Variants in TRPC4 observed in about 807,000 individuals in gnomAD.
TRPC4 encodes transient receptor potential cation channel subfamily C member 4.
In TRPC4, 49 loss-of-function variants were observed where a neutral mutation model predicts 99.4. That is an observed-to-expected ratio of 0.49 (90% confidence interval 0.39 to 0.63). The LOEUF (loss-of-function observed/expected upper bound fraction) is 0.63. Among genes scored for constraint, TRPC4 ranks in the 20% least tolerant of loss-of-function variants. The probability of loss-of-function intolerance (pLI) is 0.00; values close to 1 mark genes in which losing one functional copy is unlikely to be tolerated. For missense variants in TRPC4, 898 were observed against 1,152.9 expected, an observed-to-expected ratio of 0.78 and a Z score of 3.20; for synonymous variants, 454 against 425.9, an observed-to-expected ratio of 1.07 and a Z score of -0.81.
intron 1 of TRPC4, among the ~76,000 whole-genome samples, chr13:37,823,862 C>A (rs1958108405): frequency 6.7e-6 from 1 of 150,364 alleles, no homozygotes; most frequent in Non-Finnish European, 1.5e-5. Context: ...TTACCTTGGG[C>A]AGTATGGCCA....
In TRPC4 at chr13:37,860,459, T is replaced by C. The variant is rs142104516; in HGVS notation, c.-28+9136A>G. On this transcript the variant is annotated intron_variant, in intron 1 of 10. Coordinates refer to ENST00000379705, the MANE Select transcript of TRPC4 (RefSeq NM_016179.4). ...TTCTGTACACAAAGGAACAATGTAATAACCTGAAATCTCCTTTCTTAAAAC... is the reference window on the plus strand; with the variant it reads ...TTCTGTACACAAAGGAACAATGTAACAACCTGAAATCTCCTTTCTTAAAAC... Among the ~76,000 whole-genome samples, 168 of 151,540 alleles carry C rather than the reference T, an allele frequency of 1.1e-3. 1 individual carries two copies. Among genetic ancestry groups the C allele is most frequent in the African/African-American group, 3.8e-3 (156 of 41,500 alleles).
intron 2 of TRPC4, among the ~76,000 whole-genome samples, chr13:37,769,893 T>C (rs1233827619): frequency 1.3e-5 from 2 of 151,522 alleles, no homozygotes; most frequent in East Asian, 3.9e-4. Flanking sequence ...GATCTAAATA[T>C]ACTAGGCACT....
chr13:37,863,915 T>C (rs1333795114), intron 1 of TRPC4, among the ~76,000 whole-genome samples: 1 of 151,686 alleles, frequency 6.6e-6, no homozygotes, highest in African/African-American at 2.4e-5. Context: ...TTATACTAAT[T>C]CTGTGAAAAT....
At chr13:37,779,620 A>T (rs1451450116) in intron 2 of TRPC4, among the ~76,000 whole-genome samples, 1 of 152,024 alleles carries the variant, frequency 6.6e-6, no homozygotes, top group African/African-American at 2.4e-5. Flanking sequence ...CAAAAAGAAA[A>T]CCAATGTCAG....
At chr13:37,724,960 T>G (rs1177993888) in intron 3 of TRPC4, among the ~76,000 whole-genome samples, 1 of 152,116 alleles carries the variant, frequency 6.6e-6, no homozygotes. Context: ...ACAAAGACTT[T>G]AAACAAAGAC....
rs80234051 is a variant in TRPC4 at position 37,810,540 on chromosome 13, G to A, written c.-27-27180C>T. On this transcript the variant is annotated intron_variant, in intron 1 of 10. Coordinates refer to ENST00000379705, the MANE Select transcript of TRPC4 (RefSeq NM_016179.4). ...TAATCAAAATTCTCATGTGTGGCAGGATGGAAGAGTTCACTCTTGTTAAAC... is the reference window on the plus strand; with the variant it reads ...TAATCAAAATTCTCATGTGTGGCAGAATGGAAGAGTTCACTCTTGTTAAAC... Among the ~76,000 whole-genome samples, 1,247 of 152,136 alleles carry A rather than the reference G, an allele frequency of 8.2e-3. 26 individuals are homozygous for A. In the East Asian group the frequency reaches 0.1, roughly 12 times the overall value.
chr13:37,723,119 A>G (rs1401370494), intron 3 of TRPC4, among the ~76,000 whole-genome samples: 6 of 152,190 alleles, frequency 3.9e-5, no homozygotes, highest in African/African-American at 1.2e-4. Flanking sequence ...ACATGCACAC[A>G]CATGGGGAAA....
intron 4 of TRPC4, among the ~76,000 whole-genome samples, chr13:37,684,227 AC>A (rs1434779307): frequency 2.6e-5 from 4 of 152,212 alleles, no homozygotes; most frequent in African/African-American, 7.2e-5. Flanking sequence ...AAAAACACTG[AC>A]ATAAAGAGAC....
At chr13:37,853,608 C>G (rs1009307383) in intron 1 of TRPC4, among the ~76,000 whole-genome samples, 30 of 152,060 alleles carry the variant, frequency 2.0e-4, no homozygotes, top group African/African-American at 6.8e-4. Flanking sequence ...CTTGGAGAAA[C>G]AGAGACATGT....
At chr13:37,717,410 G>A (rs149353505) in intron 3 of TRPC4, among the ~76,000 whole-genome samples, 24 of 152,214 alleles carry the variant, frequency 1.6e-4, no homozygotes, top group Admixed American at 4.6e-4. Flanking sequence ...TATTAGCAAC[G>A]TGGGTCTAGA....
chr13:37,663,416 G>A lies in TRPC4; in HGVS notation c.1688C>T (p.Thr563Met), dbSNP rs757614572. The change falls in exon 6 of 11, where the codon ACG becomes ATG. Residue 563 changes from threonine to methionine, a missense_variant and splice_region_variant. Thr to Met is a moderately conservative substitution (Grantham distance 81, BLOSUM62 -1). Around this residue, in one of 3 missense-constraint regions of TRPC4, gnomAD observed 274 missense variants for 454.9 expected, o/e 0.60. Coordinates refer to ENST00000379705, the MANE Select transcript of TRPC4 (RefSeq NM_016179.4). ...CAGTAGAAATGTCTATTAGACTTAC[G>A]TTGAAAATGCATTATTCTGCTTTTC... ...RCEKQNNAFS[T>M]LFETLQSLFW... The A allele has an allele frequency of 4.3e-6, 7 of 1,609,638 alleles. No individual in the cohort carries two copies. The highest frequency in any genetic ancestry group is 1.7e-5 in the Admixed American group (1 of 59,658).
chr13:37,807,096 G>A (rs900536535), intron 1 of TRPC4, among the ~76,000 whole-genome samples: 1 of 151,796 alleles, frequency 6.6e-6, no homozygotes, highest in African/African-American at 2.4e-5. Flanking sequence ...TTACTATATG[G>A]CCAACTTCTT....
chr13:37,745,460 A>ATATATATATATGCG (rs1262423014), intron 3 of TRPC4, among the ~76,000 whole-genome samples: 14 of 4,928 alleles, frequency 2.8e-3, no homozygotes, highest in African/African-American at 6.0e-3. Context: ...ATATATATAT[A>ATATATATATATGCG]TATATATATA....
At chr13:37,667,334 T>A (rs1268806704) in intron 5 of TRPC4, among the ~76,000 whole-genome samples, 5 of 152,192 alleles carry the variant, frequency 3.3e-5, no homozygotes, top group Admixed American at 6.5e-5. Context: ...TGAGACGTAG[T>A]CTTGCTCTGT....
chr13:37,700,971 A>G (rs1954084865), intron 3 of TRPC4, among the ~76,000 whole-genome samples: 1 of 152,124 alleles, frequency 6.6e-6, no homozygotes, highest in African/African-American at 2.4e-5. Flanking sequence ...TTTTTTAATG[A>G]TCTGTTAATT....
chr13:37,761,804 T>C lies in TRPC4; in HGVS notation c.379-15349A>G, dbSNP rs146522435. Among the ~76,000 whole-genome samples the C allele has an allele frequency of 2.0e-4, 31 of 151,958 alleles. 1 individual carries two copies. The East Asian group carries it at 5.7e-3, about 28-fold the overall frequency. ...CCTCACATAAACACAGTCCCAATTATAGTGCTTGATTCATCTGAAAGGTAG... is the reference window on the plus strand; with the variant it reads ...CCTCACATAAACACAGTCCCAATTACAGTGCTTGATTCATCTGAAAGGTAG... On this transcript the variant is annotated intron_variant, in intron 2 of 10. Transcript: ENST00000379705.
intron 1 of TRPC4, among the ~76,000 whole-genome samples, chr13:37,794,097 T>G (rs1287724421): frequency 1.3e-5 from 2 of 152,234 alleles, no homozygotes; most frequent in African/African-American, 4.8e-5. Context: ...GTGGTAGTCA[T>G]GGTTAAAATT....
intron 3 of TRPC4, among the ~76,000 whole-genome samples, chr13:37,706,245 C>T (rs1277867848): frequency 6.6e-6 from 1 of 152,178 alleles, no homozygotes; most frequent in East Asian, 1.9e-4. Flanking sequence ...CAGGCATTAA[C>T]TGCTCATGTA....
At chr13:37,823,991 G>C (rs555142417) in intron 1 of TRPC4, among the ~76,000 whole-genome samples, 18,157 of 105,826 alleles carry the variant, frequency 0.17, 2,045 homozygotes, top group East Asian at 0.35. Context: ...CCTTCACATC[G>C]TTTGTAAGTT....
Sources: allele counts gnomAD v4.1 joint callset (sites outside exome capture counted in the v4.1 genomes callset), GRCh38; gene constraint gnomAD v4.1.1; regional missense constraint gnomAD v4.1.1; transcripts MANE v1.5; gene names NCBI Gene and HGNC (gene_info 2026-07-23, HGNC 2026-07-21).